AGMO: variants seen among roughly 807,000 people sequenced by gnomAD.
AGMO encodes alkylglycerol monooxygenase.
In AGMO, 75 loss-of-function variants were observed where a neutral mutation model predicts 60.2. The observed-to-expected ratio is 1.25, with a 90% CI of 1.03 to 1.51. The LOEUF (loss-of-function observed/expected upper bound fraction) is 1.51, where lower values mean the gene tolerates loss of function less well. AGMO is among the 40% of genes most tolerant of loss of function. AGMO has a pLI of 0.00. For missense variants in AGMO, 763 were observed against 525.5 expected (o/e 1.45, Z -4.42); for synonymous variants, 261 against 177.1 (o/e 1.47, Z -3.76).
At chr7:15,472,378 T>C (rs1012999293) in intron 3 of AGMO, among the ~76,000 whole-genome samples, 3 of 151,992 alleles carry the variant, frequency 2.0e-5, no homozygotes, top group Admixed American at 1.3e-4. Context: ...CTCAGATGTA[T>C]GCAATTAGCA....
intron 10 of AGMO, among the ~76,000 whole-genome samples, chr7:15,371,560 A>T (rs1329754562): frequency 2.6e-5 from 4 of 151,758 alleles, no homozygotes; most frequent in Admixed American, 6.6e-5. Context: ...ATACCCGACT[A>T]ATTTTTTTGT....
chr7:15,228,726 T>TATATTTCA (rs1179937292), intron 12 of AGMO, among the ~76,000 whole-genome samples: 2 of 152,184 alleles, frequency 1.3e-5, no homozygotes, highest in African/African-American at 4.8e-5. Flanking sequence ...AGTAGTTATC[T>TATATTTCA]GCCAAAGCTG....
intron 12 of AGMO, among the ~76,000 whole-genome samples, chr7:15,291,646 C>T (rs1198561744): frequency 6.6e-6 from 1 of 151,932 alleles, no homozygotes; most frequent in Non-Finnish European, 1.5e-5. Flanking sequence ...ATGCTAAGAA[C>T]CCTGCTAGGG....
intron 3 of AGMO, among the ~76,000 whole-genome samples, chr7:15,532,983 C>G (rs1245970643): frequency 6.6e-6 from 1 of 152,022 alleles, no homozygotes; most frequent in African/African-American, 2.4e-5. Flanking sequence ...AGAGCAAAAC[C>G]CTGTCTCAAA....
At chr7:15,249,418 A>G (rs1782864615) in intron 12 of AGMO, among the ~76,000 whole-genome samples, 1 of 152,180 alleles carries the variant, frequency 6.6e-6, no homozygotes, top group Non-Finnish European at 1.5e-5. Context: ...AGATTAAAAT[A>G]CCTATAGATA....
At chr7:15,333,669 T>C (rs1237302757) in intron 12 of AGMO, among the ~76,000 whole-genome samples, 1 of 150,728 alleles carries the variant, frequency 6.6e-6, no homozygotes, top group Non-Finnish European at 1.5e-5. Context: ...AAACATTCAG[T>C]TGTAAATAAC....
chr7:15,375,688 G>A (rs1562469255), intron 10 of AGMO, among the ~76,000 whole-genome samples: 1 of 152,080 alleles, frequency 6.6e-6, no homozygotes, highest in Non-Finnish European at 1.5e-5. Flanking sequence ...AAGCCACTGT[G>A]CCCAGCCTCT....
chr7:15,357,075 G>A (rs1782562234), intron 12 of AGMO, among the ~76,000 whole-genome samples: 1 of 150,324 alleles, frequency 6.7e-6, no homozygotes, highest in South Asian at 2.1e-4. Flanking sequence ...AGTGAGCCAA[G>A]ATTGCACCAT....
At chr7:15,257,160 A>G (rs1366350454) in intron 12 of AGMO, among the ~76,000 whole-genome samples, 5 of 152,176 alleles carry the variant, frequency 3.3e-5, no homozygotes, top group African/African-American at 9.6e-5. Flanking sequence ...ATAATAATTC[A>G]CGAACTCTAA....
At chr7:15,208,106 G>A (rs1781487794) in intron 12 of AGMO, among the ~76,000 whole-genome samples, 1 of 152,178 alleles carries the variant, frequency 6.6e-6, no homozygotes. Flanking sequence ...TTCATGGGGT[G>A]TCCAGAAAAT....
chr7:15,392,588 C>G (rs1562482599), intron 6 of AGMO, among the ~76,000 whole-genome samples: 1 of 152,104 alleles, frequency 6.6e-6, no homozygotes, highest in Non-Finnish European at 1.5e-5. Context: ...ATCATGAGAT[C>G]AGGAGTTTGA....
chr7:15,220,387 A>AT (rs112062138), intron 12 of AGMO, among the ~76,000 whole-genome samples: 6,437 of 143,534 alleles, frequency 0.045, 453 homozygotes, highest in African/African-American at 0.15. Flanking sequence ...TTCCTGGCTA[A>AT]TTTTTTTTTT....
chr7:15,392,536 C>G (rs1272583769), intron 6 of AGMO, among the ~76,000 whole-genome samples: 7 of 152,098 alleles, frequency 4.6e-5, no homozygotes, highest in Non-Finnish European at 1.0e-4. Context: ...TGCAGTGACT[C>G]AGGCCTGTAA....
At chr7:15,224,526 C>G (rs1782019276) in intron 12 of AGMO, among the ~76,000 whole-genome samples, 1 of 151,966 alleles carries the variant, frequency 6.6e-6, no homozygotes, top group South Asian at 2.1e-4. Flanking sequence ...GCACCTGGGT[C>G]TTGGACTTTC....
intron 12 of AGMO, among the ~76,000 whole-genome samples, chr7:15,355,504 CAAAAAAAAAAAA>C (rs56695710): frequency 6.1e-5 from 5 of 81,736 alleles, no homozygotes; most frequent in African/African-American, 2.0e-4. Context: ...GACTCTGTCT[CAAAAAAAAAAAA>C]AAAAAAAAGA....
chr7:15,341,731 C>T (rs1481665607), intron 12 of AGMO, among the ~76,000 whole-genome samples: 1 of 152,060 alleles, frequency 6.6e-6, no homozygotes, highest in Admixed American at 6.6e-5. Context: ...TATAAAGGAA[C>T]AAGGTTTAAT....
chr7:15,381,121 A>G (rs1484392262), intron 10 of AGMO, among the ~76,000 whole-genome samples: 2 of 152,204 alleles, frequency 1.3e-5, no homozygotes, highest in Non-Finnish European at 2.9e-5. Flanking sequence ...AGACAAAAAC[A>G]AAGATTTCAT....
intron 12 of AGMO, among the ~76,000 whole-genome samples, chr7:15,311,547 G>A (rs551410172): frequency 6.6e-6 from 1 of 152,222 alleles, no homozygotes; most frequent in Non-Finnish European, 1.5e-5. Flanking sequence ...GTGCAGCCAA[G>A]TTTGTATCAG....
the AGMO span, among the ~76,000 whole-genome samples, chr7:15,185,686 C>A: frequency 1.3e-5 from 2 of 152,128 alleles, no homozygotes; most frequent in Non-Finnish European, 2.9e-5. Context: ...TAGAACTTTT[C>A]ATTTGAAGAT....
Sources: allele counts gnomAD v4.1 joint callset (sites outside exome capture counted in the v4.1 genomes callset), GRCh38; gene constraint gnomAD v4.1.1; transcripts MANE v1.5; gene names NCBI Gene and HGNC (gene_info 2026-07-23, HGNC 2026-07-21).